FHIT: variants seen among roughly 807,000 people sequenced by gnomAD.
The protein encoded by FHIT is bis(5'-adenosyl)-triphosphatase.
In FHIT, 19 loss-of-function variants were observed where a neutral mutation model predicts 17.9. That is an observed-to-expected ratio of 1.06 (90% CI 0.74 to 1.56). The LOEUF (loss-of-function observed/expected upper bound fraction) is 1.56, where lower values mean the gene tolerates loss of function less well. FHIT is among the 40% of genes most tolerant of loss of function. FHIT has a pLI of 0.00. For missense variants in FHIT, 248 were observed against 189.2 expected (o/e 1.31, Z -1.82); for synonymous variants, 81 against 69.7 (o/e 1.16, Z -0.81).
At chr3:60,082,336 C>T (rs1817617) in intron 5 of FHIT, among the ~76,000 whole-genome samples, 151,601 of 152,228 alleles carry the variant, frequency 1, 75,490 homozygotes, top group Middle Eastern at 1. Context: ...TAGTATTCCA[C>T]TGTGTATGTG....
chr3:60,534,709 G>T (rs374643577), intron 5 of FHIT, among the ~76,000 whole-genome samples: 1 of 152,024 alleles, frequency 6.6e-6, no homozygotes, highest in South Asian at 2.1e-4. Context: ...ACTGAAGTGT[G>T]TTAATTTTAA....
chr3:60,286,880 G>A (rs1707753038), intron 5 of FHIT, among the ~76,000 whole-genome samples: 1 of 152,060 alleles, frequency 6.6e-6, no homozygotes, highest in East Asian at 1.9e-4. Context: ...ATGTAAGATG[G>A]TCTTCACCCA....
chr3:59,854,231 C>T (rs958433563), intron 8 of FHIT, among the ~76,000 whole-genome samples: 9 of 152,172 alleles, frequency 5.9e-5, no homozygotes, highest in Non-Finnish European at 7.3e-5. Flanking sequence ...TGCTCTTCAA[C>T]GCTGATGCTT....
intron 4 of FHIT, among the ~76,000 whole-genome samples, chr3:60,555,059 G>C (rs933713755): frequency 6.6e-6 from 1 of 152,100 alleles, no homozygotes; most frequent in Non-Finnish European, 1.5e-5. Flanking sequence ...TACTACAGGT[G>C]GTACAACCTT....
At chr3:61,119,957 C>T (rs11718931) in intron 2 of FHIT, among the ~76,000 whole-genome samples, 53,940 of 152,116 alleles carry the variant, frequency 0.35, 11,980 homozygotes, top group Non-Finnish European at 0.49. Context: ...GACTTCTCCA[C>T]CTCCATAATC....
chr3:59,925,153 G>C (rs1044843181), intron 7 of FHIT, among the ~76,000 whole-genome samples: 2 of 150,736 alleles, frequency 1.3e-5, no homozygotes, highest in African/African-American at 4.9e-5. Context: ...ACCCAGGTTG[G>C]AGTACAGTGA....
intron 2 of FHIT, among the ~76,000 whole-genome samples, chr3:61,137,399 A>T (rs908340706): frequency 5.3e-5 from 8 of 151,290 alleles, no homozygotes; most frequent in East Asian, 1.9e-4. Context: ...TGAGAAGCTG[A>T]CCTGATTCCC....
intron 5 of FHIT, among the ~76,000 whole-genome samples, chr3:60,202,643 A>G (rs919307064): frequency 1.3e-5 from 2 of 152,166 alleles, no homozygotes; most frequent in Admixed American, 6.5e-5. Flanking sequence ...TCAGGAGAAC[A>G]TATCTTCACA....
chr3:60,439,085 GA>G (rs2030558245), intron 5 of FHIT, among the ~76,000 whole-genome samples: 1 of 152,138 alleles, frequency 6.6e-6, no homozygotes, highest in African/African-American at 2.4e-5. Flanking sequence ...TTTACAAGGT[GA>G]GAAAGATGAT....
intron 4 of FHIT, among the ~76,000 whole-genome samples, chr3:60,712,051 C>T (rs1306038547): frequency 3.3e-5 from 5 of 152,162 alleles, no homozygotes; most frequent in Admixed American, 2.0e-4. Context: ...CAAAGGGAAG[C>T]CCATCAGACT....
chr3:60,886,200 T>C (rs1391210630), intron 3 of FHIT, among the ~76,000 whole-genome samples: 1 of 152,222 alleles, frequency 6.6e-6, no homozygotes, highest in African/African-American at 2.4e-5. Flanking sequence ...TGGGGGTTAA[T>C]ACCATGAATG....
intron 5 of FHIT, among the ~76,000 whole-genome samples, chr3:60,258,809 A>G (rs1420622809): frequency 6.6e-6 from 1 of 152,106 alleles, no homozygotes; most frequent in Non-Finnish European, 1.5e-5. Flanking sequence ...AAAAAATATG[A>G]TCTAATGGTA....
intron 4 of FHIT, among the ~76,000 whole-genome samples, chr3:60,661,363 A>G (rs966060985): frequency 1.3e-5 from 2 of 152,172 alleles, no homozygotes; most frequent in African/African-American, 2.4e-5. Context: ...CCACCCATGT[A>G]ACTGTGAATA....
At chr3:60,442,442 T>C (rs1019792825) in intron 5 of FHIT, among the ~76,000 whole-genome samples, 4 of 152,288 alleles carry the variant, frequency 2.6e-5, no homozygotes, top group African/African-American at 7.2e-5. Flanking sequence ...CTTGAATTAA[T>C]TTTTGTATAA....
intron 4 of FHIT, among the ~76,000 whole-genome samples, chr3:60,642,868 C>A (rs1281397293): frequency 1.3e-5 from 2 of 152,158 alleles, no homozygotes; most frequent in Admixed American, 1.3e-4. Flanking sequence ...AACTCCTATT[C>A]CTATCTTAGC....
chr3:60,237,606 C>G (rs1704873869), intron 5 of FHIT, among the ~76,000 whole-genome samples: 1 of 152,098 alleles, frequency 6.6e-6, no homozygotes, highest in Admixed American at 6.5e-5. Context: ...AGGCAGGCCA[C>G]CCAAGATCAC....
chr3:61,033,281 C>T (rs2033094629), intron 3 of FHIT, among the ~76,000 whole-genome samples: 1 of 152,122 alleles, frequency 6.6e-6, no homozygotes, highest in Admixed American at 6.5e-5. Context: ...TATTTGTTTA[C>T]ATATTGTCTA....
chr3:60,883,620 A>G (rs1553758562), intron 3 of FHIT, among the ~76,000 whole-genome samples: 1 of 152,162 alleles, frequency 6.6e-6, no homozygotes, highest in Non-Finnish European at 1.5e-5. Context: ...TGCAAAGGAC[A>G]GTCTATTCAT....
intron 4 of FHIT, among the ~76,000 whole-genome samples, chr3:60,570,455 C>G (rs930166996): frequency 6.6e-6 from 1 of 152,002 alleles, no homozygotes; most frequent in Non-Finnish European, 1.5e-5. Flanking sequence ...GGAAAGGGAT[C>G]AGGAGGAGAT....
Sources: allele counts gnomAD v4.1 joint callset (sites outside exome capture counted in the v4.1 genomes callset), GRCh38; gene constraint gnomAD v4.1.1; transcripts MANE v1.5; gene names NCBI Gene and HGNC (gene_info 2026-07-23, HGNC 2026-07-21).